The following NSG2 variants were observed in gnomAD, a reference collection of about 807,000 sequenced individuals.
NSG2 encodes the protein neuronal vesicle trafficking-associated protein 2.
In NSG2, 4 loss-of-function variants were observed where a neutral mutation model predicts 16.9. The observed-to-expected ratio is 0.24, with a 90% CI of 0.12 to 0.54. The LOEUF (loss-of-function observed/expected upper bound fraction) is 0.54, where lower values mean the gene tolerates loss of function less well. Among genes scored for constraint, NSG2 ranks in the 20% least tolerant of loss-of-function variants. The probability of loss-of-function intolerance (pLI) is 0.95; values close to 1 mark genes in which losing one functional copy is unlikely to be tolerated. For missense variants in NSG2, 179 were observed against 221.1 expected, an observed-to-expected ratio of 0.81 and a Z score of 1.21; for synonymous variants, 98 against 88.7, an observed-to-expected ratio of 1.11 and a Z score of -0.59.
intron 3 of NSG2, among the ~76,000 whole-genome samples, chr5:174,079,926 A>G (rs1760420382): frequency 6.6e-6 from 1 of 152,128 alleles, no homozygotes; most frequent in Non-Finnish European, 1.5e-5. Context: ...TGGTGCTTTT[A>G]TGATTGTGTT....
At chr5:174,074,782 A>C (rs1217215718) in intron 3 of NSG2, among the ~76,000 whole-genome samples, 1 of 151,984 alleles carries the variant, frequency 6.6e-6, no homozygotes, top group East Asian at 1.9e-4. Flanking sequence ...TTGCCCATGC[A>C]GTGTCCTCTG....
chr5:174,094,678 G>C (rs1013525220), intron 3 of NSG2, among the ~76,000 whole-genome samples: 1 of 152,294 alleles, frequency 6.6e-6, no homozygotes, highest in Non-Finnish European at 1.5e-5. Context: ...GGCCACTTCA[G>C]GGTCAACTAA....
intron 2 of NSG2, among the ~76,000 whole-genome samples, chr5:174,059,554 G>A (rs1760017753): frequency 6.6e-6 from 1 of 152,172 alleles, no homozygotes; most frequent in African/African-American, 2.4e-5. Context: ...TGGAAGACAT[G>A]TGTATCAGAT....
intron 2 of NSG2, among the ~76,000 whole-genome samples, chr5:174,047,678 C>T (rs1340394678): frequency 2.6e-5 from 4 of 152,146 alleles, no homozygotes; most frequent in Non-Finnish European, 5.9e-5. Flanking sequence ...AAATGAGTGA[C>T]TGGCTGATGG....
chr5:174,098,448 C>T lies in NSG2; in HGVS notation c.214-5780C>T, dbSNP rs568104598. Among the ~76,000 whole-genome samples the T allele has an allele frequency of 1.4e-3, 214 of 149,958 alleles. No homozygotes were observed. In the Middle Eastern group the frequency reaches 0.017, roughly 12 times the overall value. ...CTCACCTCAGCGTTCTCTCCTTGTCCCCTTCGTCACAGCCAGACTGCTTCT... is the reference window on the plus strand; with the variant it reads ...CTCACCTCAGCGTTCTCTCCTTGTCTCCTTCGTCACAGCCAGACTGCTTCT... On this transcript the variant is annotated intron_variant, in intron 3 of 4. Transcript: ENST00000303177.
chr5:174,089,001 G>C (rs1760677617), intron 3 of NSG2, among the ~76,000 whole-genome samples: 1 of 152,158 alleles, frequency 6.6e-6, no homozygotes, highest in Non-Finnish European at 1.5e-5. Flanking sequence ...ATTATTTAAA[G>C]GTGAAATTGG....
intron 3 of NSG2, among the ~76,000 whole-genome samples, chr5:174,098,469 C>G (rs1760842106): frequency 1.3e-5 from 2 of 152,158 alleles, no homozygotes; most frequent in African/African-American, 4.8e-5. Flanking sequence ...AGCCAGACTG[C>G]TTCTTCCAGG....
intron 3 of NSG2, among the ~76,000 whole-genome samples, chr5:174,082,106 C>A (rs1021472587): frequency 6.6e-6 from 1 of 152,164 alleles, no homozygotes; most frequent in African/African-American, 2.4e-5. Context: ...ACCCGACCAC[C>A]TGTCTGAAGC....
At chr5:174,046,361 G>A (rs771317921) in intron 1 of NSG2, among the ~76,000 whole-genome samples, 6 of 151,828 alleles carry the variant, frequency 4.0e-5, no homozygotes, top group Non-Finnish European at 8.8e-5. Context: ...AGGCGGGGGG[G>A]GTGGTATAAT....
chr5:174,079,026 A>G (rs1224498306), intron 3 of NSG2, among the ~76,000 whole-genome samples: 1 of 152,144 alleles, frequency 6.6e-6, no homozygotes, highest in Non-Finnish European at 1.5e-5. Context: ...TCAATCTTAA[A>G]AACCTTGCCA....
At chr5:174,096,646 G>A (rs1440601994) in intron 3 of NSG2, among the ~76,000 whole-genome samples, 1 of 152,180 alleles carries the variant, frequency 6.6e-6, no homozygotes, top group East Asian at 1.9e-4. Flanking sequence ...GAGGCTGGAG[G>A]CCCAGGAGCA....
chr5:174,087,296 A>T (rs1178106408), intron 3 of NSG2, among the ~76,000 whole-genome samples: 1 of 152,128 alleles, frequency 6.6e-6, no homozygotes, highest in African/African-American at 2.4e-5. Flanking sequence ...GCCACTCCAG[A>T]GGCTGTGGAG....
chr5:174,095,564 G>T (rs1398327963), intron 3 of NSG2, among the ~76,000 whole-genome samples: 1 of 152,096 alleles, frequency 6.6e-6, no homozygotes, highest in Non-Finnish European at 1.5e-5. Flanking sequence ...TGAATTCAGG[G>T]CCTGCCTGCA....
At chr5:174,096,819 G>T (rs529593222) in intron 3 of NSG2, among the ~76,000 whole-genome samples, 1 of 152,146 alleles carries the variant, frequency 6.6e-6, no homozygotes, top group East Asian at 1.9e-4. Context: ...GGCAGGGGTC[G>T]CTGCAGAGTC....
intron 3 of NSG2, among the ~76,000 whole-genome samples, chr5:174,070,201 G>A (rs903126804): frequency 2.6e-5 from 4 of 151,804 alleles, no homozygotes; most frequent in Non-Finnish European, 4.4e-5. Flanking sequence ...CATTTTTTTC[G>A]TGGGCTATTT....
chr5:174,057,524 G>A (rs926539758), intron 2 of NSG2, among the ~76,000 whole-genome samples: 4 of 152,230 alleles, frequency 2.6e-5, no homozygotes, highest in South Asian at 2.1e-4. Flanking sequence ...CTGGCTGGTT[G>A]TAGTGACTTT....
At chr5:174,067,149 A>G (rs1206014175) in intron 3 of NSG2, among the ~76,000 whole-genome samples, 4 of 152,190 alleles carry the variant, frequency 2.6e-5, no homozygotes, top group African/African-American at 9.6e-5. Flanking sequence ...ATGTATTAAT[A>G]TTAAAATGCT....
intron 3 of NSG2, among the ~76,000 whole-genome samples, chr5:174,068,006 G>C (rs74900963): frequency 2.0e-3 from 301 of 152,256 alleles, no homozygotes; most frequent in African/African-American, 6.9e-3. Flanking sequence ...TGGAGCTCAG[G>C]ATGGAGATTT....
chr5:174,069,626 C>A (rs1760200853), intron 3 of NSG2, among the ~76,000 whole-genome samples: 1 of 152,084 alleles, frequency 6.6e-6, no homozygotes. Flanking sequence ...TTATCATTTT[C>A]TTTCTTTCCT....
Sources: gnomAD v4.1 joint callset for allele counts (sites outside exome capture counted in the v4.1 genomes callset) on GRCh38, gnomAD v4.1.1 for gene constraint, MANE v1.5 for transcripts, NCBI Gene and HGNC (gene_info 2026-07-23, HGNC 2026-07-21) for gene names.